CNOT4: variants seen among roughly 807,000 people sequenced by gnomAD.
CNOT4 encodes the protein CCR4-NOT transcription complex subunit 4.
In CNOT4, 8 loss-of-function variants were observed where a neutral mutation model predicts 73.8. That is an observed-to-expected ratio of 0.11 (90% CI 0.06 to 0.20). CNOT4 has a LOEUF of 0.20. Ranked by LOEUF, CNOT4 falls within the 10% of genes least tolerant of loss-of-function variation. The pLI, the probability that CNOT4 is intolerant of heterozygous loss-of-function variation, is 1.00. For synonymous variants in CNOT4, 293 were observed against 321.1 expected (o/e 0.91, Z 0.94); for missense variants, 564 against 883.4 (o/e 0.64, Z 4.58).
intron 1 of CNOT4, among the ~76,000 whole-genome samples, chr7:135,494,419 G>A (rs186963100): frequency 2.7e-4 from 38 of 141,650 alleles, no homozygotes; most frequent in Admixed American, 6.1e-4. Flanking sequence ...TCAGGGAGCC[G>A]AGATCGCGCC....
intron 1 of CNOT4, among the ~76,000 whole-genome samples, chr7:135,454,430 GA>G: frequency 6.6e-6 from 1 of 152,034 alleles, no homozygotes. Flanking sequence ...AAGGCAGGTG[GA>G]TCGCTTGAGC....
chr7:135,419,431 G>A (rs1226164961), intron 3 of CNOT4, among the ~76,000 whole-genome samples: 3 of 152,010 alleles, frequency 2.0e-5, no homozygotes, highest in Non-Finnish European at 4.4e-5. Flanking sequence ...AGGTTATAAA[G>A]ACAAATTAAG....
chr7:135,389,229 C>T (rs1054076380), intron 10 of CNOT4, among the ~76,000 whole-genome samples: 4 of 148,344 alleles, frequency 2.7e-5, no homozygotes, highest in African/African-American at 7.4e-5. Flanking sequence ...ATAGATACTC[C>T]TAGTAAATGG....
At position 135,471,488 on chromosome 7, in the gene CNOT4, T is replaced by C. The variant is rs73158946; in HGVS notation, c.-92-33065A>G. ...TTCCTAACTAAAATGGTAATAAGTA[T>C]GCATAAAAGAATCAAGTTAAAGACT... On this transcript the variant is annotated intron_variant, in intron 1 of 11. Transcript: ENST00000541284. 6.6e-3 allele frequency among the ~76,000 whole-genome samples: 1,005 copies of C among 152,298 alleles called. 5 individuals carry two copies. Among genetic ancestry groups the C allele is most frequent in the South Asian group, 0.018 (86 of 4,828 alleles).
intron 1 of CNOT4, among the ~76,000 whole-genome samples, chr7:135,445,249 A>C (rs1456708322): frequency 1.3e-5 from 2 of 152,206 alleles, no homozygotes; most frequent in Non-Finnish European, 2.9e-5. Flanking sequence ...TCTTAAAGAG[A>C]ATCCAGCTTT....
rs145696125 is a variant in CNOT4 at position 135,415,633 on chromosome 7, A to G, written c.373-371T>C. On this transcript the variant is annotated intron_variant, in intron 3 of 11. Coordinates refer to ENST00000541284, the MANE Select transcript of CNOT4 (RefSeq NM_001190850.2). ...AAGAGATGATCCTTACACGAAAGCA[A>G]TTCTTCAAAAACAATGACCAAAATT... Among the ~76,000 whole-genome samples the G allele has an allele frequency of 3.1e-3, 470 of 152,264 alleles. 3 individuals carry two copies. The highest frequency in any genetic ancestry group is 0.01 in the African/African-American group (431 of 41,570).
At chr7:135,465,470 T>C (rs1013980924) in intron 1 of CNOT4, among the ~76,000 whole-genome samples, 2 of 152,238 alleles carry the variant, frequency 1.3e-5, no homozygotes, top group African/African-American at 2.4e-5. Flanking sequence ...TACTTGATGA[T>C]AAACTATGCT....
intron 7 of CNOT4, among the ~76,000 whole-genome samples, chr7:135,402,856 T>G (rs1797073674): frequency 6.6e-6 from 1 of 152,234 alleles, no homozygotes; most frequent in African/African-American, 2.4e-5. Flanking sequence ...AATTTTACTT[T>G]CTTTTACTAC....
intron 3 of CNOT4, among the ~76,000 whole-genome samples, chr7:135,417,792 T>C (rs935376394): frequency 6.6e-6 from 1 of 152,200 alleles, no homozygotes; most frequent in African/African-American, 2.4e-5. Context: ...ACCACTGCAA[T>C]CTAATCTTCC....
intron 10 of CNOT4, among the ~76,000 whole-genome samples, chr7:135,389,982 G>C (rs1361456692): frequency 1.3e-5 from 2 of 152,102 alleles, no homozygotes; most frequent in African/African-American, 2.4e-5. Flanking sequence ...GCAAATTTTA[G>C]ACTAGAGTTC....
At chr7:135,372,010 T>C (rs1423721468) in intron 10 of CNOT4, among the ~76,000 whole-genome samples, 1 of 152,158 alleles carries the variant, frequency 6.6e-6, no homozygotes, top group Non-Finnish European at 1.5e-5. Flanking sequence ...GTCAAGGGAA[T>C]GTAAAATAAG....
intron 1 of CNOT4, among the ~76,000 whole-genome samples, chr7:135,467,537 C>T (rs1241232223): frequency 6.6e-6 from 1 of 151,902 alleles, no homozygotes; most frequent in Non-Finnish European, 1.5e-5. Flanking sequence ...ATAGCAAGAC[C>T]CCATATCCAC....
intron 7 of CNOT4, among the ~76,000 whole-genome samples, chr7:135,408,457 G>A (rs968919639): frequency 5.9e-5 from 9 of 152,126 alleles, no homozygotes; most frequent in Admixed American, 5.2e-4. Context: ...ACAATGCAAG[G>A]AATTAGTGTA....
At chr7:135,479,914 A>C (rs940385948) in intron 1 of CNOT4, among the ~76,000 whole-genome samples, 1 of 152,126 alleles carries the variant, frequency 6.6e-6, no homozygotes, top group African/African-American at 2.4e-5. Flanking sequence ...AAACAAAAAG[A>C]ATTTGAGAGT....
Position 135,363,220 on chromosome 7 carries a change from T to C in CNOT4, c.1841-34A>G. On this transcript the variant is annotated intron_variant, in intron 11 of 11. Coordinates refer to ENST00000541284, the MANE Select transcript of CNOT4 (RefSeq NM_001190850.2). This position sits in a 1 kb window ranked among gnomAD's most constrained non-coding sequence, Gnocchi z 4.3. ...AGAAAAGAAAAAAGAGGGAAAATGG[T>C]GAGTTTGTGTGGAAAGAATAAGGTC... is the stretch of plus-strand genomic sequence containing the variant. 1 of 1,593,934 alleles carries C rather than the reference T, an allele frequency of 6.3e-7. No individual in the cohort carries two copies. Among genetic ancestry groups the C allele is most frequent in the East Asian group, 2.2e-5 (1 of 44,822 alleles).
At chr7:135,393,848 T>C (rs1309276610) in intron 10 of CNOT4, 70 bp downstream of exon 10, 1 of 1,019,036 alleles carries the variant, frequency 9.8e-7, no homozygotes, top group Non-Finnish European at 1.5e-6. Context: ...CAACAGTTAC[T>C]TCCCTATCCA....
At position 135,362,893 on chromosome 7, in the gene CNOT4, G is replaced by A. The variant is rs182908121; in HGVS notation, c.2134C>T (p.Arg712Cys). Residue 712 changes from arginine (R) to cysteine (C), a missense_variant, in exon 12 of 12, where the codon CGC becomes TGC. This residue lies in a region of CNOT4 where 88 missense variants were observed against 94.7 expected (regional missense o/e 0.93). Transcript: ENST00000541284. ...TGGTTGCTCCTCTTTGCCTAATGGC[G>A]GTCCAGTGTTGAACTCTGTAGTAAA... is the stretch of plus-strand genomic sequence containing the variant. ...TDLLQSSTLD[R>C]H 5.0e-6 allele frequency: 8 copies of A among 1,613,526 alleles called. No individual in the cohort carries two copies. Among genetic ancestry groups the A allele is most frequent in the African/African-American group, 1.3e-5 (1 of 74,832 alleles).
intron 1 of CNOT4, among the ~76,000 whole-genome samples, chr7:135,508,517 T>A (rs1301090900): frequency 1.3e-5 from 2 of 152,240 alleles, no homozygotes; most frequent in African/African-American, 4.8e-5. Context: ...ATTTTTCTTT[T>A]GCATACATAA....
At chr7:135,369,319 G>A (rs116629060) in intron 10 of CNOT4, among the ~76,000 whole-genome samples, 1,751 of 152,154 alleles carry the variant, frequency 0.012, 39 homozygotes, top group African/African-American at 0.04. Flanking sequence ...ATATTGTGCC[G>A]TCTTGGAATT....
Sources: gnomAD v4.1 joint callset for allele counts (sites outside exome capture counted in the v4.1 genomes callset) on GRCh38, gnomAD v4.1.1 for gene constraint, gnomAD v4.1.1 regional missense constraint, Gnocchi (gnomAD v3.1) non-coding constraint, MANE v1.5 for transcripts, NCBI Gene and HGNC (gene_info 2026-07-23, HGNC 2026-07-21) for gene names.